Variants in SIDT2 observed in about 807,000 individuals in gnomAD.
SIDT2 encodes the protein SID1 transmembrane family member 2.
A neutral mutation model predicts 114.4 loss-of-function variants in SIDT2; 68 were observed. That is an observed-to-expected ratio of 0.59 (90% CI 0.49 to 0.73). The LOEUF (loss-of-function observed/expected upper bound fraction) is 0.73, where lower values mean the gene tolerates loss of function less well. SIDT2 is among the 30% of genes least tolerant of loss of function. The pLI, the probability that SIDT2 is intolerant of heterozygous loss-of-function variation, is 0.00. For missense variants in SIDT2, 918 were observed against 1,097.1 expected (o/e 0.84, Z 2.31); for synonymous variants, 470 against 438.4 (o/e 1.07, Z -0.90).
At position 117,182,117 on chromosome 11, in the gene SIDT2, C is replaced by T. The variant is rs750509198; in HGVS notation, c.516+12C>T. The T allele has an allele frequency of 3.7e-6, 6 of 1,613,504 alleles. No individual in the cohort carries two copies. In the East Asian group the frequency reaches 1.1e-4, roughly 30 times the overall value. ...CAGCACAGCCCCAGGTAACATCTCC[C>T]TGTTGATTGCTCGAGAGGAGAAATG... On this transcript the variant is annotated intron_variant, in intron 4 of 25. Coordinates refer to ENST00000324225, the MANE Select transcript of SIDT2 (RefSeq NM_001040455.2).
rs2030566531 is a variant in SIDT2, at chr11:117,188,052, C to T, written c.1159+353C>T. 1 of 508,374 alleles carries T rather than the reference C, an allele frequency of 2.0e-6. No homozygotes were observed. Among genetic ancestry groups the T allele is most frequent in the Admixed American group, 2.4e-5 (1 of 42,378 alleles). 31.5% of individuals were successfully genotyped at this position (508,374 alleles called of 1,614,324 possible). A position where few individuals can be genotyped will look rare whatever the true frequency, so the allele number is the denominator to read the frequency against. ...GGCCAGAAAGATTCTATGTGCATGG[C>T]TTCCCCATGTAATTCCAGTAATTGC... On this transcript the variant is annotated intron_variant, in intron 12 of 25. Coordinates refer to ENST00000324225, the MANE Select transcript of SIDT2 (RefSeq NM_001040455.2). The surrounding 1 kb of genome is among the most constrained non-coding windows in gnomAD (Gnocchi z 4.0).
intron 7 of SIDT2, 80 bp from the exon 8 acceptor site, chr11:117,183,994 C>A: frequency 6.4e-7 from 1 of 1,556,016 alleles, no homozygotes; most frequent in Non-Finnish European, 8.9e-7. Flanking sequence ...TTTTTGGCTC[C>A]AGTCTCTCAA....
rs778798763 is a variant in SIDT2, at chr11:117,190,608, C to G, written c.1618-15C>G. ...TCACTTCCTCCCTCCCTTCCCTTCT[C>G]TCTCTCCCCAACAGGAATGTGGGAT... On this transcript the variant is annotated splice_polypyrimidine_tract_variant and intron_variant, in intron 17 of 25. Coordinates refer to ENST00000324225, the MANE Select transcript of SIDT2 (RefSeq NM_001040455.2). The surrounding 1 kb of genome is among the most constrained non-coding windows in gnomAD (Gnocchi z 4.1). 1 of 1,558,388 alleles carries G rather than the reference C, an allele frequency of 6.4e-7. No homozygotes were observed. The highest frequency in any genetic ancestry group is 8.7e-7 in the Non-Finnish European group (1 of 1,147,434).
Position 117,179,013 on chromosome 11 carries a change from G to C in SIDT2, c.-251G>C, listed in dbSNP as rs950069759. On this transcript the variant is annotated 5_prime_UTR_variant, in exon 1 of 26. Coordinates refer to ENST00000324225, the MANE Select transcript of SIDT2 (RefSeq NM_001040455.2). Reference sequence around the variant, plus strand: ...TCGTACTCAGCCCCTCGCGAGCTGGGACCCCTTCCCGTAGCCAGCATCCCC... The same window carrying C: ...TCGTACTCAGCCCCTCGCGAGCTGGCACCCCTTCCCGTAGCCAGCATCCCC... 1.9e-6 allele frequency: 1 copy of C among 534,672 alleles called. No individual in the cohort carries two copies. Among genetic ancestry groups the C allele is most frequent in the African/African-American group, 1.9e-5 (1 of 52,404 alleles). 33.1% of individuals were successfully genotyped at this position (534,672 alleles called of 1,614,324 possible). A position where few individuals can be genotyped will look rare whatever the true frequency, so the allele number is the denominator to read the frequency against.
In SIDT2 at chr11:117,194,519, C is replaced by G. The variant is rs11216311; in HGVS notation, c.2322+556C>G. Among the ~76,000 whole-genome samples the G allele has an allele frequency of 5.2e-3, 794 of 152,354 alleles. 11 individuals carry two copies. The highest frequency in any genetic ancestry group is 0.018 in the African/African-American group (729 of 41,576). On this transcript the variant is annotated intron_variant, in intron 24 of 25. Transcript: ENST00000324225. ...CATTTGAAGCCAGCAAGGCTTGGCT[C>G]TCTTCTCTGCCTTGCAGGACACCTA... is the stretch of plus-strand genomic sequence containing the variant.
rs1290896484 is a variant in SIDT2, at chr11:117,183,630, C to T, written c.703-149C>T. The T allele has an allele frequency of 6.1e-5, 38 of 626,550 alleles. 1 individual carries two copies. Among genetic ancestry groups the T allele is most frequent in the Non-Finnish European group, 1.6e-5 (6 of 365,390 alleles). 38.8% of individuals were successfully genotyped at this position (626,550 alleles called of 1,614,324 possible). A position where few individuals can be genotyped will look rare whatever the true frequency, so the allele number is the denominator to read the frequency against. On this transcript the variant is annotated intron_variant, in intron 6 of 25. Coordinates refer to ENST00000324225, the MANE Select transcript of SIDT2 (RefSeq NM_001040455.2). ...TCCAGCCTAGGCAATAGGAGTGAAA[C>T]TCCGTCTCAAAAAAAAAAAAAATCT...
chr11:117,195,687 T>C (rs1370876920), intron 24 of SIDT2, 115 bp from the exon 25 acceptor site: 3 of 1,025,676 alleles, frequency 2.9e-6, no homozygotes, highest in Non-Finnish European at 4.5e-6. Context: ...TCAGAATTGC[T>C]GCTGTCCTGC....
In SIDT2 at chr11:117,182,542, A is replaced by G; in HGVS notation, c.540A>G (p.Glu180=). ...QPQYFKYEFP[E]GVDSVIVKVT... ...AGTACTTCAAGTATGAGTTCCCTGA[A>G]GGCGTGGACTCGGTAATTGTCAAGG... Residue 180 remains glutamate (E), a synonymous_variant, in exon 5 of 26, where the codon GAA becomes GAG. Coordinates refer to ENST00000324225, the MANE Select transcript of SIDT2 (RefSeq NM_001040455.2). 1 of 1,614,180 alleles carries G rather than the reference A, an allele frequency of 6.2e-7. No homozygotes were observed.
At chr11:117,193,105 C>G (rs1352860240) in intron 22 of SIDT2, 48 bp from the exon 23 acceptor site, 2 of 1,572,442 alleles carry the variant, frequency 1.3e-6, no homozygotes, top group Non-Finnish European at 1.8e-6. Flanking sequence ...AAGAGCACTT[C>G]CTTGCCCTTG....
chr11:117,193,126 T>C (rs1565289187), intron 22 of SIDT2, 27 bp from the exon 23 acceptor site: 1 of 1,611,488 alleles, frequency 6.2e-7, no homozygotes. Context: ...GGCTTCCTGC[T>C]TCACCACCCT....
chr11:117,190,915 G>A lies in SIDT2; in HGVS notation c.1735+175G>A. 1.7e-6 allele frequency: 1 copy of A among 582,554 alleles called. No individual in the cohort carries two copies. The highest frequency in any genetic ancestry group is 2.1e-5 in the South Asian group (1 of 47,202). The allele number at this position is 582,554 out of a possible 1,614,324, so 36.1% of individuals were successfully genotyped here. On this transcript the variant is annotated intron_variant, in intron 18 of 25. Transcript: ENST00000324225. This position sits in a 1 kb window ranked among gnomAD's most constrained non-coding sequence, Gnocchi z 4.1. The stretch of plus-strand genomic sequence containing the variant: ...TATGGAACATGGGCACCTAGATGCT[G>A]CTTCATTCATCTGTCAAGCTATTCC...
In SIDT2 at chr11:117,193,935, T is replaced by A; in HGVS notation, c.2294T>A (p.Phe765Tyr). ...TSVVWGFALF[F>Y]FFQGLSTWQK... ...GTGGTCTGGGGCTTCGCGCTCTTCT[T>A]CTTCTTCCAGGGACTCAGCACCTGG... The change falls in exon 24 of 26, where the codon TTC becomes TAC. Residue 765 changes from phenylalanine to tyrosine, a missense_variant. Transcript: ENST00000324225. The A allele has an allele frequency of 6.2e-7, 1 of 1,614,036 alleles. No homozygotes were observed. Among genetic ancestry groups the A allele is most frequent in the Non-Finnish European group, 8.5e-7 (1 of 1,179,976 alleles).
rs2030723261 is a variant in SIDT2 at position 117,192,080 on chromosome 11, A to C, written c.1872+66A>C. The C allele has an allele frequency of 1.9e-6, 3 of 1,601,750 alleles. No homozygotes were observed. Among genetic ancestry groups the C allele is most frequent in the Non-Finnish European group, 2.6e-6 (3 of 1,171,546 alleles). ...AAGGTGCACGTGCGTTCAGACACGT[A>C]GTGCACACCCTCCGCCACCTCCTGC... On this transcript the variant is annotated intron_variant, in intron 19 of 25. Transcript: ENST00000324225. The surrounding 1 kb of genome is among the most constrained non-coding windows in gnomAD (Gnocchi z 5.9).
Position 117,181,501 on chromosome 11 carries a change from T to C in SIDT2, c.269T>C (p.Val90Ala). ...TTTGTGGTCCGCCAGAAGGAGGCTG[T>C]GGTGTCCTTCCAGGTGCCCCTAATC... ...LLFVVRQKEAVVSFQVPLILR... is the reference protein window; with the variant it reads ...LLFVVRQKEAAVSFQVPLILR... Residue 90 changes from valine (V) to alanine (A), a missense_variant, in exon 2 of 26, where the codon GTG becomes GCG. Physicochemically the swap from Val to Ala is moderately conservative, Grantham distance 64. Around this residue, in one of 4 missense-constraint regions of SIDT2, gnomAD observed 553 missense variants for 600.1 expected, o/e 0.92. Coordinates refer to ENST00000324225, the MANE Select transcript of SIDT2 (RefSeq NM_001040455.2). The C allele has an allele frequency of 6.2e-7, 1 of 1,613,928 alleles. No individual in the cohort carries two copies. The highest frequency in any genetic ancestry group is 1.1e-5 in the South Asian group (1 of 91,068).
At chr11:117,183,947 C>A in intron 7 of SIDT2, 69 bp downstream of exon 7, 3 of 1,503,100 alleles carry the variant, frequency 2.0e-6, no homozygotes, top group Non-Finnish European at 2.8e-6. Context: ...GCAAGAAGAG[C>A]CTGCGTGGCT....
chr11:117,188,818 C>T lies in SIDT2; in HGVS notation c.1270C>T (p.Arg424Cys), dbSNP rs1472313380. 9.9e-6 allele frequency: 16 copies of T among 1,613,874 alleles called. No homozygotes were observed. The highest frequency in any genetic ancestry group is 4.4e-5 in the South Asian group (4 of 91,080). Residue 424 changes from arginine to cysteine, a missense_variant, in exon 13 of 26, where the codon CGC (arginine) becomes TGC (cysteine). By Grantham distance (180) the Arg-to-Cys change is radical (BLOSUM62 -3). Coordinates refer to ENST00000324225, the MANE Select transcript of SIDT2 (RefSeq NM_001040455.2). This position sits in a 1 kb window ranked among gnomAD's most constrained non-coding sequence, Gnocchi z 4.0. ...TDIDSDKNVI[R>C]TKQYLYVADL... Reference sequence around the variant, plus strand: ...CATCGATTCCGACAAGAATGTCATTCGCACCAAGGTCTGACCCGTGGGCCT... The same window carrying T: ...CATCGATTCCGACAAGAATGTCATTTGCACCAAGGTCTGACCCGTGGGCCT...
At position 117,193,946 on chromosome 11, in the gene SIDT2, G is replaced by A; in HGVS notation, c.2305G>A (p.Gly769Arg). ...CTTCGCGCTCTTCTTCTTCTTCCAG[G>A]GACTCAGCACCTGGCAGGTGAGCAC... ...WGFALFFFFQ[G>R]LSTWQKTPAE... Residue 769 changes from glycine (G) to arginine (R), a missense_variant, in exon 24 of 26, where the codon GGA becomes AGA. Transcript: ENST00000324225. 1 of 1,613,684 alleles carries A rather than the reference G, an allele frequency of 6.2e-7. No individual in the cohort carries two copies. The highest frequency in any genetic ancestry group is 8.5e-7 in the Non-Finnish European group (1 of 1,179,750).
At position 117,186,150 on chromosome 11, in the gene SIDT2, A is replaced by C; in HGVS notation, c.889A>C (p.Met297Leu). The C allele has an allele frequency of 6.2e-7, 1 of 1,613,904 alleles. No individual in the cohort carries two copies. Among genetic ancestry groups the C allele is most frequent in the Non-Finnish European group, 8.5e-7 (1 of 1,179,986 alleles). The stretch of plus-strand genomic sequence containing the variant: ...TGAAGCTGAGGCATACGTCAGTGGG[A>C]TGCTCTTTTGCCTGGGTATATTTCT... Reference protein sequence around the residue: ...AVTSEAYVSGMLFCLGIFLSF... With the variant: ...AVTSEAYVSGLLFCLGIFLSF... The change falls in exon 9 of 26, where the codon ATG (methionine) becomes CTG (leucine). Residue 297 changes from methionine (M) to leucine (L), a missense_variant. Transcript: ENST00000324225.
chr11:117,190,861 G>C lies in SIDT2; in HGVS notation c.1735+121G>C. The C allele has an allele frequency of 1.3e-6, 1 of 746,182 alleles. No homozygotes were observed. Among genetic ancestry groups the C allele is most frequent in the Non-Finnish European group, 2.3e-6 (1 of 427,602 alleles). 46.2% of individuals were successfully genotyped at this position (746,182 alleles called of 1,614,324 possible). ...ACCCCTGTAGGAAACTCCAAGGCTG[G>C]CGTGCCTGGGTGTGCACACATCCTA... On this transcript the variant is annotated intron_variant, in intron 18 of 25. Coordinates refer to ENST00000324225, the MANE Select transcript of SIDT2 (RefSeq NM_001040455.2). This position sits in a 1 kb window ranked among gnomAD's most constrained non-coding sequence, Gnocchi z 4.1.
Sources: allele counts gnomAD v4.1 joint callset (sites outside exome capture counted in the v4.1 genomes callset), GRCh38; gene constraint gnomAD v4.1.1; regional missense constraint gnomAD v4.1.1; non-coding constraint Gnocchi (gnomAD v3.1); transcripts MANE v1.5; gene names NCBI Gene and HGNC (gene_info 2026-07-23, HGNC 2026-07-21).